Variants in HIPK3 observed in about 807,000 individuals in gnomAD.
The protein encoded by HIPK3 is homeodomain interacting protein kinase 3.
In HIPK3, 47 loss-of-function variants were observed where a neutral mutation model predicts 124.2. The observed-to-expected ratio is 0.38, with a 90% confidence interval of 0.30 to 0.48. The LOEUF (loss-of-function observed/expected upper bound fraction) is 0.48. Ranked by LOEUF, HIPK3 falls within the 20% of genes least tolerant of loss-of-function variation. The probability of loss-of-function intolerance (pLI) is 0.98; values close to 1 mark genes in which losing one functional copy is unlikely to be tolerated. For synonymous variants in HIPK3, 482 were observed against 515.2 expected, an observed-to-expected ratio of 0.94 and a Z score of 0.87; for missense variants, 1,286 against 1,454.3, an observed-to-expected ratio of 0.88 and a Z score of 1.88.
chr11:33,273,761 C>T (rs1851201481), intron 1 of HIPK3, among the ~76,000 whole-genome samples: 1 of 151,896 alleles, frequency 6.6e-6, no homozygotes. Context: ...TTTCCAGGCC[C>T]CACAATGTCT....
At chr11:33,313,135 A>G (rs1852399056) in intron 2 of HIPK3, among the ~76,000 whole-genome samples, 1 of 152,220 alleles carries the variant, frequency 6.6e-6, no homozygotes, top group Admixed American at 6.5e-5. Context: ...CCTGCTAAAA[A>G]TTAACTGAAT....
rs59282125 is a variant in HIPK3, at chr11:33,309,716, C to A, written c.1098-18794C>A. Among the ~76,000 whole-genome samples the A allele has an allele frequency of 2.0e-5, 3 of 152,302 alleles. No individual in the cohort carries two copies. The East Asian group carries it at 5.8e-4, about 29-fold the overall frequency. On this transcript the variant is annotated intron_variant, in intron 2 of 16. Coordinates refer to ENST00000303296, the MANE Select transcript of HIPK3 (RefSeq NM_005734.5). ...GCGACATTTGCTTTATCCCATCTTT[C>A]CCTCTATCCATTTATCAATCCATTT...
chr11:33,305,660 T>A (rs932877381), intron 2 of HIPK3, among the ~76,000 whole-genome samples: 1 of 152,182 alleles, frequency 6.6e-6, no homozygotes, highest in Non-Finnish European at 1.5e-5. Flanking sequence ...CCACAATCCT[T>A]CTCCAAGGAT....
intron 1 of HIPK3, among the ~76,000 whole-genome samples, chr11:33,271,909 C>T (rs1045265522): frequency 1.3e-5 from 2 of 152,030 alleles, no homozygotes; most frequent in African/African-American, 2.4e-5. Flanking sequence ...TGACTTTTTA[C>T]ACTAACATAA....
chr11:33,337,227 C>CT lies in HIPK3; in HGVS notation c.1341+34dup, dbSNP rs760254553. The CT allele has an allele frequency of 3.3e-5, 44 of 1,352,308 alleles. No individual in the cohort carries two copies. In the East Asian group the frequency reaches 1.0e-3, roughly 31 times the overall value. The allele number at this position is 1,352,308 out of a possible 1,614,324, so 83.8% of individuals were successfully genotyped here. On this transcript the variant is annotated intron_variant, in intron 4 of 16. Coordinates refer to ENST00000303296, the MANE Select transcript of HIPK3 (RefSeq NM_005734.5). ...ATTAAAAAATAGAATATTTAGAAGACTAGTTTTCTAAGATGCCTCATATGC... is the reference window on the plus strand; with the variant it reads ...ATTAAAAAATAGAATATTTAGAAGACTTAGTTTTCTAAGATGCCTCATATGC...
At chr11:33,319,252 T>G (rs947809830) in intron 2 of HIPK3, among the ~76,000 whole-genome samples, 1 of 152,240 alleles carries the variant, frequency 6.6e-6, no homozygotes. Context: ...ATCCCAGCAC[T>G]TCGGGAGACC....
chr11:33,326,144 C>T (rs1299162013), intron 2 of HIPK3, among the ~76,000 whole-genome samples: 2 of 152,118 alleles, frequency 1.3e-5, no homozygotes, highest in Admixed American at 1.3e-4. Context: ...ATTTCCTTTG[C>T]CAGAAGAGTT....
Position 33,328,631 on chromosome 11 carries a change from C to G in HIPK3, c.1219C>G (p.Gln407Glu). ...CTACCCAGGAGCCTTGGAGTATGATCAGGTAACAAATAATGATAATCTAAT... is the reference window on the plus strand; with the variant it reads ...CTACCCAGGAGCCTTGGAGTATGATGAGGTAACAAATAATGATAATCTAAT... ...PLYPGALEYDQIRYISQTQGL... is the reference protein window; with the variant it reads ...PLYPGALEYDEIRYISQTQGL... Residue 407 changes from glutamine (Q) to glutamate (E), a missense_variant and splice_region_variant, in exon 3 of 17, where the codon CAG becomes GAG. This residue lies in a region of HIPK3 where 251 missense variants were observed against 349.1 expected (regional missense o/e 0.72). Transcript: ENST00000303296. The G allele has an allele frequency of 6.2e-7, 1 of 1,612,504 alleles. No homozygotes were observed. Among genetic ancestry groups the G allele is most frequent in the East Asian group, 2.2e-5 (1 of 44,834 alleles).
intron 1 of HIPK3, chr11:33,258,546 C>G (rs1252437230): frequency 1.0e-6 from 1 of 985,372 alleles, no homozygotes; most frequent in African/African-American, 1.7e-5. Context: ...GAAGGCGTGG[C>G]GGCCGCGCGG....
At chr11:33,342,384 A>C (rs1853361421) in intron 8 of HIPK3, among the ~76,000 whole-genome samples, 1 of 152,180 alleles carries the variant, frequency 6.6e-6, no homozygotes, top group Admixed American at 6.5e-5. Flanking sequence ...TTTGGTCAAA[A>C]GAGTTTTGTC....
rs1177416797 is a variant in HIPK3 at position 33,355,664 on chromosome 11, T to C, written c.*2096T>C. On this transcript the variant is annotated 3_prime_UTR_variant, in exon 17 of 17. Coordinates refer to ENST00000303296, the MANE Select transcript of HIPK3 (RefSeq NM_005734.5). ...ACACAAGCAGTGTTTTATTTAATAATCATCAATGAAATAAATGTGCCTGAA... is the reference window on the plus strand; with the variant it reads ...ACACAAGCAGTGTTTTATTTAATAACCATCAATGAAATAAATGTGCCTGAA... The C allele has an allele frequency of 6.6e-6, 1 of 151,978 alleles. No homozygotes were observed. Among genetic ancestry groups the C allele is most frequent in the African/African-American group, 2.4e-5 (1 of 41,428 alleles). The allele number at this position is 151,978 out of a possible 1,614,324, so 9.4% of individuals were successfully genotyped here. A position where few individuals can be genotyped will look rare whatever the true frequency, so the allele number is the denominator to read the frequency against.
intron 7 of HIPK3, 78 bp from the exon 8 acceptor site, chr11:33,341,485 A>T: frequency 1.6e-6 from 2 of 1,288,266 alleles, no homozygotes; most frequent in South Asian, 1.9e-5. Context: ...GATCTTAAGA[A>T]ATGTGTTTGA....
At chr11:33,335,203 C>A (rs559985448) in intron 3 of HIPK3, among the ~76,000 whole-genome samples, 1 of 152,000 alleles carries the variant, frequency 6.6e-6, no homozygotes. Flanking sequence ...TTTCAATAAG[C>A]GGTTGGGCCT....
intron 1 of HIPK3, among the ~76,000 whole-genome samples, chr11:33,270,166 A>G (rs1851084660): frequency 6.6e-6 from 1 of 151,852 alleles, no homozygotes; most frequent in Admixed American, 6.6e-5. Flanking sequence ...TGCAGTAGAA[A>G]TGGGGTTTCA....
intron 1 of HIPK3, among the ~76,000 whole-genome samples, chr11:33,274,128 A>G (rs751930511): frequency 2.0e-5 from 3 of 152,172 alleles, no homozygotes; most frequent in Admixed American, 6.5e-5. Context: ...TCATTATCTC[A>G]TACAAAAATC....
chr11:33,273,421 A>G (rs1370578522), intron 1 of HIPK3, among the ~76,000 whole-genome samples: 1 of 144,044 alleles, frequency 6.9e-6, no homozygotes, highest in Admixed American at 7.3e-5. Flanking sequence ...AGGCAGGAGA[A>G]TGGCGTGAAC....
chr11:33,337,088 C>G lies in HIPK3; in HGVS notation c.1235C>G (p.Ser412Cys), dbSNP rs1156982608. 1 of 1,596,880 alleles carries G rather than the reference C, an allele frequency of 6.3e-7. No individual in the cohort carries two copies. Among genetic ancestry groups the G allele is most frequent in the Non-Finnish European group, 8.5e-7 (1 of 1,171,604 alleles). ...ALEYDQIRYISQTQGLPGEQL... is the reference protein window; with the variant it reads ...ALEYDQIRYICQTQGLPGEQL... ...ATTATTTTTCAGATTCGATACATTT[C>G]TCAGACTCAAGGTTTGCCAGGAGAA... Residue 412 changes from serine (S) to cysteine (C), a missense_variant, in exon 4 of 17, where the codon TCT becomes TGT. Ser to Cys is a moderately radical substitution (Grantham distance 112). Around this residue, in one of 3 missense-constraint regions of HIPK3, gnomAD observed 251 missense variants for 349.1 expected, o/e 0.72. Transcript: ENST00000303296.
At chr11:33,269,254 T>C (rs1851057371) in intron 1 of HIPK3, among the ~76,000 whole-genome samples, 1 of 152,214 alleles carries the variant, frequency 6.6e-6, no homozygotes, top group African/African-American at 2.4e-5. Flanking sequence ...TCGCTTTCCT[T>C]GATAAAGGTC....
At chr11:33,345,819 A>G (rs1024327028) in intron 8 of HIPK3, among the ~76,000 whole-genome samples, 1 of 152,154 alleles carries the variant, frequency 6.6e-6, no homozygotes, top group Non-Finnish European at 1.5e-5. Context: ...GTAGTAAGGT[A>G]ACAGTCTCAG....
Sources: allele counts gnomAD v4.1 joint callset (sites outside exome capture counted in the v4.1 genomes callset), GRCh38; gene constraint gnomAD v4.1.1; regional missense constraint gnomAD v4.1.1; transcripts MANE v1.5; gene names NCBI Gene and HGNC (gene_info 2026-07-23, HGNC 2026-07-21).